NT5DC3: variants seen among roughly 807,000 people sequenced by gnomAD.
The protein encoded by NT5DC3 is 5'-nucleotidase domain-containing protein 3.
Under a neutral mutation model 67.8 loss-of-function variants are expected in NT5DC3, and 42 were observed. The observed-to-expected ratio is 0.62, with a 90% CI of 0.48 to 0.80. The LOEUF (loss-of-function observed/expected upper bound fraction) is 0.80, where lower values mean the gene tolerates loss of function less well. NT5DC3 is among the 30% of genes least tolerant of loss of function. NT5DC3 has a pLI of 0.00. For missense variants in NT5DC3, 570 were observed against 696.4 expected (o/e 0.82, Z 2.04); for synonymous variants, 237 against 255.6 (o/e 0.93, Z 0.69).
At chr12:103,830,964 C>A (rs1028233702) in intron 1 of NT5DC3, among the ~76,000 whole-genome samples, 14 of 152,160 alleles carry the variant, frequency 9.2e-5, no homozygotes, top group African/African-American at 3.4e-4. Context: ...CAGATCTAAT[C>A]TTGAGAATCC....
At chr12:103,758,111 C>G in the NT5DC3 span, 1 of 1,606,026 alleles carries the variant, frequency 6.2e-7, no homozygotes, top group Non-Finnish European at 8.5e-7. Flanking sequence ...CCTTCTTCAG[C>G]CACCCAGGTC....
chr12:103,797,913 C>T (rs1442267820), intron 5 of NT5DC3, among the ~76,000 whole-genome samples: 2 of 152,186 alleles, frequency 1.3e-5, no homozygotes, highest in Admixed American at 1.3e-4. Flanking sequence ...ATTCTCAGAA[C>T]ATTTATATTA....
In NT5DC3 at chr12:103,840,987, A is replaced by C; in HGVS notation, c.170T>G (p.Leu57Arg). ...CTTCGCCTCCCGGTAGCGCTCCCACAGGTAGCGCTTCATGTCCGGGGCGGT... is the reference window on the plus strand; with the variant it reads ...CTTCGCCTCCCGGTAGCGCTCCCACCGGTAGCGCTTCATGTCCGGGGCGGT... ...PGTAPDMKRY[L>R]WERYREAKRS... Residue 57 changes from leucine (L) to arginine (R), a missense_variant, in exon 1 of 14, where the codon CTG becomes CGG. Coordinates refer to ENST00000392876, the MANE Select transcript of NT5DC3 (RefSeq NM_001031701.3). The C allele has an allele frequency of 7.5e-7, 1 of 1,326,394 alleles. No individual in the cohort carries two copies. The highest frequency in any genetic ancestry group is 9.7e-7 in the Non-Finnish European group (1 of 1,033,494). 82.2% of individuals were successfully genotyped at this position (1,326,394 alleles called of 1,614,324 possible).
intron 1 of NT5DC3, chr12:103,819,838 T>G (rs1350305093): frequency 6.6e-6 from 1 of 152,278 alleles, no homozygotes; most frequent in Non-Finnish European, 1.5e-5. Flanking sequence ...TCAGTGGTAT[T>G]AAGCACATTC....
chr12:103,816,967 C>CTTTTT (rs376622215), intron 1 of NT5DC3, among the ~76,000 whole-genome samples: 207 of 118,954 alleles, frequency 1.7e-3, no homozygotes, highest in Non-Finnish European at 2.6e-3. Context: ...TTTCTTTTTT[C>CTTTTT]TTTTTTTTTT....
At chr12:103,778,605 C>G (rs1171901832) in intron 13 of NT5DC3, among the ~76,000 whole-genome samples, 4 of 151,896 alleles carry the variant, frequency 2.6e-5, no homozygotes, top group Non-Finnish European at 4.4e-5. Flanking sequence ...CGCCCTGGCC[C>G]ACCAGCATGG....
At chr12:103,814,568 G>C (rs1447041579) in intron 2 of NT5DC3, among the ~76,000 whole-genome samples, 1 of 152,176 alleles carries the variant, frequency 6.6e-6, no homozygotes, top group African/African-American at 2.4e-5. Flanking sequence ...AATTGGTGTT[G>C]AAGGTAAAAC....
chr12:103,813,173 C>A (rs1342024111), intron 2 of NT5DC3, among the ~76,000 whole-genome samples: 1 of 152,322 alleles, frequency 6.6e-6, no homozygotes, highest in East Asian at 1.9e-4. Context: ...AACTGAAATG[C>A]CAGCACCAAT....
intron 2 of NT5DC3, 83 bp from the exon 3 acceptor site, chr12:103,807,012 C>A: frequency 1.2e-6 from 1 of 804,330 alleles, no homozygotes; most frequent in Non-Finnish European, 2.2e-6. Flanking sequence ...TGTACAAAGG[C>A]TGAGGTAGTT....
At chr12:103,838,994 C>G (rs890153714) in intron 1 of NT5DC3, among the ~76,000 whole-genome samples, 2 of 152,066 alleles carry the variant, frequency 1.3e-5, no homozygotes, top group East Asian at 3.8e-4. Context: ...CTATAAAGAC[C>G]GAATGAGGGA....
chr12:103,748,870 A>G, the NT5DC3 span: 2 of 1,339,790 alleles, frequency 1.5e-6, no homozygotes, highest in Non-Finnish European at 2.0e-6. Context: ...TACTCACCCA[A>G]CACCACTAGT....
At chr12:103,749,307 A>ACCTTGCATTTAGCCC in the NT5DC3 span, 1 of 893,892 alleles carries the variant, frequency 1.1e-6, no homozygotes, top group Non-Finnish European at 1.6e-6. Context: ...TCATTGGGCT[A>ACCTTGCATTTAGCCC]AATGCAAGGT....
the NT5DC3 span, among the ~76,000 whole-genome samples, chr12:103,748,015 G>A: frequency 1.0e-4 from 15 of 144,976 alleles, no homozygotes; most frequent in African/African-American, 3.7e-4. Context: ...AAAAAAAAAA[G>A]GGAAGAAGAA....
chr12:103,835,940 A>G (rs1021543912), intron 1 of NT5DC3, among the ~76,000 whole-genome samples: 1 of 152,192 alleles, frequency 6.6e-6, no homozygotes, highest in Admixed American at 6.5e-5. Context: ...GAGGTGAAAG[A>G]CACTTCTCAC....
Position 103,780,341 on chromosome 12 carries a change from C to G in NT5DC3, c.1353G>C (p.Gln451His). 6.2e-7 allele frequency: 1 copy of G among 1,614,154 alleles called. No homozygotes were observed. Among genetic ancestry groups the G allele is most frequent in the Non-Finnish European group, 8.5e-7 (1 of 1,180,000 alleles). ...QMQVHRDAES[Q>H]LVLQEWKKER... ...CCTTTTTCCACTCCTGCAAAACCAG[C>G]TGTGACTCAGCATCTCTGTGAACCT... The change falls in exon 13 of 14, where the codon CAG becomes CAC. Residue 451 changes from glutamine to histidine, a missense_variant. Gln to His is a conservative substitution (Grantham distance 24). Around this residue, in one of 2 missense-constraint regions of NT5DC3, gnomAD observed 466 missense variants for 608.0 expected, o/e 0.77. Coordinates refer to ENST00000392876, the MANE Select transcript of NT5DC3 (RefSeq NM_001031701.3).
chr12:103,819,113 A>G (rs536996767), intron 1 of NT5DC3, among the ~76,000 whole-genome samples: 1 of 152,374 alleles, frequency 6.6e-6, no homozygotes, highest in South Asian at 2.1e-4. Flanking sequence ...GTGACTGGTC[A>G]GCACATCTCC....
intron 2 of NT5DC3, among the ~76,000 whole-genome samples, chr12:103,812,002 A>C (rs966237536): frequency 6.6e-6 from 1 of 152,104 alleles, no homozygotes; most frequent in African/African-American, 2.4e-5. Context: ...CTAAGGTGTG[A>C]AGCTGGGAGA....
chr12:103,796,562 C>T (rs139512051), intron 6 of NT5DC3, among the ~76,000 whole-genome samples: 1 of 152,280 alleles, frequency 6.6e-6, no homozygotes. Flanking sequence ...CGGGCAGACT[C>T]ATGGGTGAGT....
At chr12:103,750,571 C>T in the NT5DC3 span, 1 of 1,613,820 alleles carries the variant, frequency 6.2e-7, no homozygotes, top group Non-Finnish European at 8.5e-7. Flanking sequence ...CCCACTCTCC[C>T]TCCACAGGGC....
Sources: gnomAD v4.1 joint callset for allele counts (sites outside exome capture counted in the v4.1 genomes callset) on GRCh38, gnomAD v4.1.1 for gene constraint, gnomAD v4.1.1 regional missense constraint, MANE v1.5 for transcripts, NCBI Gene and HGNC (gene_info 2026-07-23, HGNC 2026-07-21) for gene names.